The following RANBP2 variants were observed in gnomAD, a reference collection of about 807,000 sequenced individuals.
RANBP2 encodes the protein E3 SUMO-protein ligase RanBP2.
RANBP2 carries 57 observed loss-of-function variants against 303.6 expected under a neutral mutation model. The ratio of observed to expected loss-of-function variants is 0.19; its 90% CI spans 0.15 to 0.23. The LOEUF is 0.23. Ranked by LOEUF, RANBP2 falls within the 10% of genes least tolerant of loss-of-function variation. The pLI, the probability that RANBP2 is intolerant of heterozygous loss-of-function variation, is 1.00. For synonymous variants in RANBP2, 1,167 were observed against 1,301.5 expected (o/e 0.90, Z 2.23); for missense variants, 3,138 against 3,780.8 (o/e 0.83, Z 4.46).
the RANBP2 span, chr2:109,503,993 G>C: frequency 2.6e-5 from 4 of 152,216 alleles, no homozygotes; most frequent in African/African-American, 4.8e-5. Context: ...AGAGCGATGC[G>C]TGGGTCTGGC....
the RANBP2 span, among the ~76,000 whole-genome samples, chr2:109,085,594 C>A: frequency 2.0e-5 from 3 of 147,430 alleles, no homozygotes; most frequent in South Asian, 6.5e-4. Flanking sequence ...TGAACCACCA[C>A]ACCTGGCTTT....
chr2:109,400,573 G>GCA, the RANBP2 span, among the ~76,000 whole-genome samples: 5,183 of 144,390 alleles, frequency 0.036, 221 homozygotes, highest in African/African-American at 0.11. Context: ...ACACACCTGT[G>GCA]CGCACACACA....
the RANBP2 span, among the ~76,000 whole-genome samples, chr2:108,959,709 T>G: frequency 2.0e-5 from 3 of 151,932 alleles, no homozygotes; most frequent in Non-Finnish European, 4.4e-5. Context: ...CAGTGGAGAT[T>G]TCGCCTTTCC....
chr2:108,838,136 A>G, the RANBP2 span, among the ~76,000 whole-genome samples: 1 of 152,028 alleles, frequency 6.6e-6, no homozygotes, highest in East Asian at 1.9e-4. Flanking sequence ...GGCAGAGAAT[A>G]TTGCCTCCTG....
downstream of RANBP2, among the ~76,000 whole-genome samples, chr2:108,790,781 G>A (rs111734609): frequency 1.0e-3 from 155 of 152,176 alleles, no homozygotes; most frequent in African/African-American, 3.5e-3. Context: ...TGCAGGGGGC[G>A]AGCCTGTTGC....
the RANBP2 span, among the ~76,000 whole-genome samples, chr2:109,460,663 CAT>C: frequency 3.1e-3 from 473 of 152,338 alleles, 1 homozygote; most frequent in African/African-American, 9.2e-3. Flanking sequence ...AATTTCACCA[CAT>C]GTTTTCCCAT....
At chr2:109,597,789 A>C in the RANBP2 span, among the ~76,000 whole-genome samples, 1 of 152,178 alleles carries the variant, frequency 6.6e-6, no homozygotes, top group Non-Finnish European at 1.5e-5. Flanking sequence ...TAGCTGGAGG[A>C]AAGTCTGGTG....
the RANBP2 span, among the ~76,000 whole-genome samples, chr2:109,031,532 C>T: frequency 6.6e-6 from 1 of 152,250 alleles, no homozygotes; most frequent in African/African-American, 2.4e-5. Context: ...CTCTGCCCGC[C>T]TCGCCGGGCT....
At chr2:109,410,431 G>A in the RANBP2 span, among the ~76,000 whole-genome samples, 1 of 152,232 alleles carries the variant, frequency 6.6e-6, no homozygotes, top group Admixed American at 6.5e-5. Context: ...GCAGCTCCGT[G>A]CACCCAGGGG....
the RANBP2 span, chr2:108,884,212 A>C: frequency 6.6e-6 from 1 of 152,422 alleles, no homozygotes. Flanking sequence ...CAATGATGTG[A>C]ACTTTTAGTA....
the RANBP2 span, among the ~76,000 whole-genome samples, chr2:109,412,691 C>G: frequency 8.5e-5 from 13 of 152,228 alleles, no homozygotes; most frequent in African/African-American, 3.1e-4. Context: ...CAAGTGTTAA[C>G]TCTGTTATTC....
the RANBP2 span, among the ~76,000 whole-genome samples, chr2:109,523,591 GC>G: frequency 2.6e-5 from 4 of 151,712 alleles, no homozygotes; most frequent in Non-Finnish European, 5.9e-5. Context: ...TAACTCATTA[GC>G]CCTTTAGAAG....
At chr2:109,257,342 G>A in the RANBP2 span, among the ~76,000 whole-genome samples, 1 of 150,936 alleles carries the variant, frequency 6.6e-6, no homozygotes, top group African/African-American at 2.4e-5. Flanking sequence ...GGAAAGAAAG[G>A]AATTGAGGAG....
the RANBP2 span, among the ~76,000 whole-genome samples, chr2:109,508,275 T>C: frequency 6.7e-4 from 102 of 152,304 alleles, no homozygotes; most frequent in African/African-American, 2.3e-3. Context: ...GACATGTATA[T>C]ACTGATTGAT....
the RANBP2 span, among the ~76,000 whole-genome samples, chr2:109,707,395 G>A: frequency 0.049 from 7,535 of 152,270 alleles, 252 homozygotes; most frequent in Non-Finnish European, 0.077. Context: ...TCATCCTCAA[G>A]AAACCCAGGG....
At chr2:108,948,503 A>G in the RANBP2 span, among the ~76,000 whole-genome samples, 1 of 152,210 alleles carries the variant, frequency 6.6e-6, no homozygotes, top group Admixed American at 6.5e-5. Flanking sequence ...TGGGTAATTT[A>G]TAAAGAAAGG....
At chr2:109,448,660 T>C in the RANBP2 span, among the ~76,000 whole-genome samples, 1 of 152,210 alleles carries the variant, frequency 6.6e-6, no homozygotes. Context: ...GGGGTCCTAC[T>C]GATTCTATGT....
At chr2:109,166,419 G>A in the RANBP2 span, among the ~76,000 whole-genome samples, 2 of 148,452 alleles carry the variant, frequency 1.3e-5, no homozygotes, top group East Asian at 2.0e-4. Context: ...GGAGGTTGTG[G>A]TGAGCTGAGA....
At chr2:108,986,802 A>C in the RANBP2 span, among the ~76,000 whole-genome samples, 1 of 152,232 alleles carries the variant, frequency 6.6e-6, no homozygotes, top group African/African-American at 2.4e-5. Context: ...TCCTTCCTGC[A>C]ATATACGAAT....
Sources: gnomAD v4.1 joint callset for allele counts (sites outside exome capture counted in the v4.1 genomes callset) on GRCh38, gnomAD v4.1.1 for gene constraint, MANE v1.5 for transcripts, NCBI Gene and HGNC (gene_info 2026-07-23, HGNC 2026-07-21) for gene names.